Variants in CAB39 observed in about 807,000 individuals in gnomAD.
The protein encoded by CAB39 is calcium binding protein 39.
CAB39 carries 8 observed loss-of-function variants against 40.0 expected under a neutral mutation model. The ratio of observed to expected loss-of-function variants is 0.20; its 90% CI spans 0.12 to 0.36. The LOEUF (loss-of-function observed/expected upper bound fraction) is 0.36, where lower values mean the gene tolerates loss of function less well. Ranked by LOEUF, CAB39 falls within the 10% of genes least tolerant of loss-of-function variation. The probability of loss-of-function intolerance (pLI) is 1.00; values close to 1 mark genes in which losing one functional copy is unlikely to be tolerated. For missense variants in CAB39, 270 were observed against 401.1 expected (o/e 0.67, Z 2.79); for synonymous variants, 156 against 141.6 (o/e 1.10, Z -0.72).
rs767204151 is a variant in CAB39, at chr2:230,798,904, A to C, written c.567+7A>C. On this transcript the variant is annotated splice_region_variant and intron_variant, in intron 5 of 8. Coordinates refer to ENST00000258418, the MANE Select transcript of CAB39 (RefSeq NM_016289.4). Reference sequence around the variant, plus strand: ...TGCATTTGCCACATTCAAGGTAACAAAAACTGTAGAATTCTAAATATCCTT... The same window carrying C: ...TGCATTTGCCACATTCAAGGTAACACAAACTGTAGAATTCTAAATATCCTT... 6.3e-7 allele frequency: 1 copy of C among 1,578,288 alleles called. No individual in the cohort carries two copies. Among genetic ancestry groups the C allele is most frequent in the East Asian group, 2.3e-5 (1 of 44,076 alleles).
At position 230,820,348 on chromosome 2, in the gene CAB39, G is replaced by A. The variant is rs1436452365; in HGVS notation, c.*1644G>A. Reference sequence around the variant, plus strand: ...AGGTTTTAAACCTTCAGGAACACCAGTTAGGAAAATAGCTCCAGAAAATAT... The same window carrying A: ...AGGTTTTAAACCTTCAGGAACACCAATTAGGAAAATAGCTCCAGAAAATAT... On this transcript the variant is annotated 3_prime_UTR_variant, in exon 9 of 9. Transcript: ENST00000258418. The A allele has an allele frequency of 1.3e-5, 2 of 152,182 alleles. No homozygotes were observed. The highest frequency in any genetic ancestry group is 1.3e-4 in the Admixed American group (2 of 15,276). The allele number at this position is 152,182 out of a possible 1,614,324, so 9.4% of individuals were successfully genotyped here.
chr2:230,777,401 T>C (rs1001396625), intron 2 of CAB39, among the ~76,000 whole-genome samples: 1 of 151,444 alleles, frequency 6.6e-6, no homozygotes, highest in African/African-American at 2.4e-5. Context: ...CATCTTTTCA[T>C]GTGCATATAG....
At position 230,819,158 on chromosome 2, in the gene CAB39, A is replaced by G. The variant is rs1696460032; in HGVS notation, c.*454A>G. 6.5e-6 allele frequency: 1 copy of G among 152,902 alleles called. No individual in the cohort carries two copies. The highest frequency in any genetic ancestry group is 6.5e-5 in the Admixed American group (1 of 15,360). 9.5% of individuals were successfully genotyped at this position (152,902 alleles called of 1,614,324 possible). A position where few individuals can be genotyped will look rare whatever the true frequency, so the allele number is the denominator to read the frequency against. On this transcript the variant is annotated 3_prime_UTR_variant, in exon 9 of 9. Coordinates refer to ENST00000258418, the MANE Select transcript of CAB39 (RefSeq NM_016289.4). The stretch of plus-strand genomic sequence containing the variant: ...CACCTTCGCTGAAGGAAGATGACGC[A>G]GAGCTTTATCTGAAATCAGAGGGGA...
At chr2:230,749,641 A>G (rs1695051163) in intron 1 of CAB39, among the ~76,000 whole-genome samples, 1 of 152,178 alleles carries the variant, frequency 6.6e-6, no homozygotes, top group Non-Finnish European at 1.5e-5. Context: ...ACATTTTTTC[A>G]TATCGGTAGA....
chr2:230,773,298 G>GTATATATA (rs555144903), intron 2 of CAB39, among the ~76,000 whole-genome samples: 47 of 127,864 alleles, frequency 3.7e-4, no homozygotes, highest in African/African-American at 9.5e-4. Context: ...GGGTGTATGT[G>GTATATATA]TATATATATA....
At chr2:230,756,651 CTAACTGTT>C (rs1393590208) in intron 1 of CAB39, among the ~76,000 whole-genome samples, 26 of 150,162 alleles carry the variant, frequency 1.7e-4, no homozygotes, top group African/African-American at 3.0e-4. Context: ...AGGATAGTTT[CTAACTGTT>C]TGTTTATTTA....
intron 2 of CAB39, among the ~76,000 whole-genome samples, chr2:230,762,226 C>T (rs891648565): frequency 2.0e-5 from 3 of 151,958 alleles, no homozygotes; most frequent in Admixed American, 6.6e-5. Flanking sequence ...GTATTGTAAA[C>T]GCAGGATTCA....
chr2:230,720,339 C>T (rs1326078877), intron 1 of CAB39, among the ~76,000 whole-genome samples: 1 of 152,140 alleles, frequency 6.6e-6, no homozygotes, highest in African/African-American at 2.4e-5. Context: ...CTTTGCAGCT[C>T]GGGATTCTAT....
chr2:230,757,258 C>T (rs1352985572), intron 1 of CAB39, among the ~76,000 whole-genome samples: 3 of 152,058 alleles, frequency 2.0e-5, no homozygotes, highest in Admixed American at 1.3e-4. Flanking sequence ...ACCATGCCCA[C>T]CTAATTTTTA....
intron 1 of CAB39, among the ~76,000 whole-genome samples, chr2:230,748,885 T>G (rs1472466522): frequency 3.1e-5 from 4 of 128,776 alleles, no homozygotes; most frequent in South Asian, 2.5e-4. Context: ...TGGTAATTTT[T>G]TCCTATCCAC....
intron 7 of CAB39, 72 bp downstream of exon 7, chr2:230,814,186 G>T: frequency 1.3e-6 from 1 of 754,246 alleles, no homozygotes; most frequent in East Asian, 2.7e-5. Context: ...GGGAAAGGGA[G>T]ATGTGCAGGA....
intron 2 of CAB39, among the ~76,000 whole-genome samples, chr2:230,773,987 A>G (rs1308931403): frequency 2.0e-5 from 3 of 152,134 alleles, no homozygotes; most frequent in Non-Finnish European, 1.5e-5. Context: ...ATATCCTTAC[A>G]TCGATATACC....
At chr2:230,809,751 C>G (rs536519696) in intron 5 of CAB39, among the ~76,000 whole-genome samples, 1 of 152,286 alleles carries the variant, frequency 6.6e-6, no homozygotes, top group South Asian at 2.1e-4. Context: ...CACACTCTAC[C>G]TCTAAAAAAT....
At chr2:230,749,954 C>T (rs1340637939) in intron 1 of CAB39, among the ~76,000 whole-genome samples, 2 of 152,144 alleles carry the variant, frequency 1.3e-5, no homozygotes, top group African/African-American at 4.8e-5. Flanking sequence ...CCAGCTTTTT[C>T]GCTTTACTAG....
chr2:230,810,889 G>C (rs1022556151), intron 6 of CAB39, among the ~76,000 whole-genome samples: 1 of 152,200 alleles, frequency 6.6e-6, no homozygotes, highest in Non-Finnish European at 1.5e-5. Flanking sequence ...GATGTTCCTG[G>C]TAATAGTGTC....
chr2:230,739,798 A>T (rs752376098), intron 1 of CAB39, among the ~76,000 whole-genome samples: 4 of 152,162 alleles, frequency 2.6e-5, no homozygotes, highest in Non-Finnish European at 4.4e-5. Flanking sequence ...CCAGCCTCTA[A>T]TTTGAAGTCT....
intron 5 of CAB39, among the ~76,000 whole-genome samples, chr2:230,805,409 A>T (rs188723835): frequency 6.6e-6 from 1 of 152,130 alleles, no homozygotes; most frequent in Non-Finnish European, 1.5e-5. Context: ...TTAAAAAAAA[A>T]ATACAAAAAA....
intron 1 of CAB39, among the ~76,000 whole-genome samples, chr2:230,728,950 A>G (rs1694635452): frequency 6.6e-6 from 1 of 152,222 alleles, no homozygotes; most frequent in Non-Finnish European, 1.5e-5. Context: ...ATTCTAAGTA[A>G]AACACCAGCA....
intron 2 of CAB39, among the ~76,000 whole-genome samples, chr2:230,773,108 C>G (rs1323642187): frequency 6.6e-6 from 1 of 151,360 alleles, no homozygotes; most frequent in East Asian, 1.9e-4. Context: ...TTGCACAAAA[C>G]TCTAGAAAAC....
Sources: allele counts gnomAD v4.1 joint callset (sites outside exome capture counted in the v4.1 genomes callset), GRCh38; gene constraint gnomAD v4.1.1; transcripts MANE v1.5; gene names NCBI Gene and HGNC (gene_info 2026-07-23, HGNC 2026-07-21).